Variants in ANO3 observed in about 807,000 individuals in gnomAD.
ANO3 encodes anoctamin 3.
In ANO3, 99 loss-of-function variants were observed where a neutral mutation model predicts 144.8. That is an observed-to-expected ratio of 0.68 (90% CI 0.58 to 0.81). The LOEUF is 0.81. Among genes scored for constraint, ANO3 ranks in the 30% least tolerant of loss-of-function variants. The pLI, the probability that ANO3 is intolerant of heterozygous loss-of-function variation, is 0.00. For synonymous variants in ANO3, 414 were observed against 392.6 expected (o/e 1.05, Z -0.64); for missense variants, 905 against 1,202.2 (o/e 0.75, Z 3.66).
At chr11:26,450,475 T>C (rs960770375) in intron 3 of ANO3, among the ~76,000 whole-genome samples, 3 of 152,216 alleles carry the variant, frequency 2.0e-5, no homozygotes, top group Admixed American at 2.0e-4. Flanking sequence ...TTGTTGTTAC[T>C]GTGTCCTAAC....
chr11:26,600,080 A>G lies in ANO3; in HGVS notation c.1836+366A>G, dbSNP rs561198465. 3.9e-5 allele frequency among the ~76,000 whole-genome samples: 6 copies of G among 152,262 alleles called. No individual in the cohort carries two copies. In the East Asian group the frequency reaches 1.2e-3, roughly 29 times the overall value. ...CCCAATAAACTCCATTTTATGGGAA[A>G]ACTTGTTGGAAAGATATGGGAAAAT... On this transcript the variant is annotated intron_variant, in intron 17 of 26. Transcript: ENST00000256737.
chr11:26,433,019 C>T (rs1290114002), intron 1 of ANO3, among the ~76,000 whole-genome samples: 2 of 151,998 alleles, frequency 1.3e-5, no homozygotes, highest in African/African-American at 4.8e-5. Flanking sequence ...GATAATGATT[C>T]TTTCTATCCC....
intron 1 of ANO3, among the ~76,000 whole-genome samples, chr11:26,391,105 T>C (rs187595192): frequency 2.6e-5 from 4 of 152,210 alleles, no homozygotes; most frequent in Admixed American, 1.3e-4. Context: ...CTGGGACATT[T>C]ACGAATTAAA....
chr11:26,600,072 T>C (rs1245919030), intron 17 of ANO3, among the ~76,000 whole-genome samples: 1 of 152,154 alleles, frequency 6.6e-6, no homozygotes, highest in Non-Finnish European at 1.5e-5. Flanking sequence ...AACTCCATTT[T>C]ATGGGAAAAC....
At chr11:26,621,682 C>G (rs61878607) in intron 17 of ANO3, among the ~76,000 whole-genome samples, 20,710 of 152,096 alleles carry the variant, frequency 0.14, 1,731 homozygotes, top group South Asian at 0.18. Context: ...AATTTGAGTT[C>G]TATGAAAGTA....
intron 4 of ANO3, among the ~76,000 whole-genome samples, chr11:26,496,793 G>A (rs1198980990): frequency 5.3e-5 from 8 of 151,986 alleles, no homozygotes; most frequent in South Asian, 4.1e-4. Context: ...TTCTGTTTCT[G>A]AGTCATTTCA....
At chr11:26,587,181 T>C (rs1392678155) in intron 14 of ANO3, among the ~76,000 whole-genome samples, 3 of 152,150 alleles carry the variant, frequency 2.0e-5, no homozygotes, top group African/African-American at 7.2e-5. Context: ...TATGCCAGAG[T>C]AGACAAAATG....
chr11:26,302,643 A>C (rs1360742674), intron 1 of ANO3, among the ~76,000 whole-genome samples: 3 of 152,244 alleles, frequency 2.0e-5, no homozygotes, highest in African/African-American at 7.2e-5. Flanking sequence ...ATAACAAAGT[A>C]CAAATGCATA....
chr11:26,443,568 C>T (rs917606735), intron 2 of ANO3, among the ~76,000 whole-genome samples, 197 bp from the exon 3 acceptor site: 5 of 152,180 alleles, frequency 3.3e-5, no homozygotes, highest in Admixed American at 3.3e-4. Context: ...TGCCATTGCA[C>T]TCCAGCCTGA....
At chr11:26,291,354 C>T (rs1233737896) in intron 1 of ANO3, among the ~76,000 whole-genome samples, 1 of 152,244 alleles carries the variant, frequency 6.6e-6, no homozygotes, top group African/African-American at 2.4e-5. Context: ...GGTCTTGACC[C>T]TTTATCCAAT....
intron 17 of ANO3, among the ~76,000 whole-genome samples, chr11:26,610,824 T>C (rs1391786244): frequency 6.6e-6 from 1 of 152,190 alleles, no homozygotes; most frequent in African/African-American, 2.4e-5. Flanking sequence ...CACTCATTAT[T>C]GGAGTGTCCA....
At chr11:26,305,839 T>C (rs1407208491), upstream of ANO3, among the ~76,000 whole-genome samples, 1 of 152,166 alleles carries the variant, frequency 6.6e-6, no homozygotes, top group Non-Finnish European at 1.5e-5. Flanking sequence ...GTTGAAAATA[T>C]ATTTTGTTTC....
In ANO3 at chr11:26,594,322, C is replaced by T. The variant is rs548925747; in HGVS notation, c.1448-4043C>T. Among the ~76,000 whole-genome samples, 10 of 152,294 alleles carry T rather than the reference C, an allele frequency of 6.6e-5. No individual in the cohort carries two copies. The South Asian group carries it at 2.1e-3, about 32-fold the overall frequency. On this transcript the variant is annotated intron_variant, in intron 14 of 26. Transcript: ENST00000256737. ...CCTCTGTTGTCATCCTATCATTGAA[C>T]TGACTGAGACGCCAGAGATCACCAA...
At chr11:26,329,307 CACACACACACACACACACACAGAG>C (rs1020237803), upstream of ANO3, among the ~76,000 whole-genome samples, 5 of 76,854 alleles carry the variant, frequency 6.5e-5, no homozygotes, top group African/African-American at 1.6e-4. Context: ...CACACACACA[CACACACACACACACACACACAGAG>C]AGAGAGAGAG....
chr11:26,297,184 C>CGTGT (rs377447870), intron 1 of ANO3, among the ~76,000 whole-genome samples: 417 of 146,424 alleles, frequency 2.8e-3, no homozygotes, highest in African/African-American at 6.8e-3. Context: ...TCAACCATTG[C>CGTGT]GTGTGTGTGT....
chr11:26,486,187 C>G (rs887635218), intron 4 of ANO3, among the ~76,000 whole-genome samples: 1 of 151,572 alleles, frequency 6.6e-6, no homozygotes, highest in African/African-American at 2.4e-5. Flanking sequence ...ATGGTAAAAC[C>G]CTGTCTCTAC....
chr11:26,244,974 GGTGTGTGT>G (rs61543573), intron 1 of ANO3, among the ~76,000 whole-genome samples: 109 of 121,678 alleles, frequency 9.0e-4, no homozygotes, highest in Middle Eastern at 4.3e-3. Flanking sequence ...CTGGTCTCCT[GGTGTGTGT>G]GTGTGTGTGT....
At chr11:26,414,754 A>C (rs972779727) in intron 1 of ANO3, among the ~76,000 whole-genome samples, 8 of 136,340 alleles carry the variant, frequency 5.9e-5, no homozygotes, top group Non-Finnish European at 1.3e-4. Context: ...ACTTACAGTA[A>C]AGTTAAAAAA....
In ANO3 at chr11:26,662,177, T is replaced by C. The variant is rs575305922; in HGVS notation, c.*1733T>C. On this transcript the variant is annotated 3_prime_UTR_variant, in exon 27 of 27. Coordinates refer to ENST00000256737, the MANE Select transcript of ANO3 (RefSeq NM_031418.4). Reference sequence around the variant, plus strand: ...ACATGGATAGATGATAGCTGTTTCATTGTTTGTTTTTGTCAAGCATATTCA... The same window carrying C: ...ACATGGATAGATGATAGCTGTTTCACTGTTTGTTTTTGTCAAGCATATTCA... 2.0e-5 allele frequency: 3 copies of C among 152,144 alleles called. No individual in the cohort carries two copies. The highest frequency in any genetic ancestry group is 7.2e-5 in the African/African-American group (3 of 41,532). The allele number at this position is 152,144 out of a possible 1,614,324, so 9.4% of individuals were successfully genotyped here.
Sources: gnomAD v4.1 joint callset for allele counts (sites outside exome capture counted in the v4.1 genomes callset) on GRCh38, gnomAD v4.1.1 for gene constraint, MANE v1.5 for transcripts, NCBI Gene and HGNC (gene_info 2026-07-23, HGNC 2026-07-21) for gene names.